The following ZSWIM6 variants were observed in gnomAD, a reference collection of about 807,000 sequenced individuals.
ZSWIM6 encodes zinc finger SWIM-type containing 6.
In ZSWIM6, 9 loss-of-function variants were observed where a neutral mutation model predicts 113.2. That is an observed-to-expected ratio of 0.08 (90% confidence interval 0.05 to 0.14). The LOEUF is 0.14. Ranked by LOEUF, ZSWIM6 falls within the 10% of genes least tolerant of loss-of-function variation. The probability of loss-of-function intolerance (pLI) is 1.00; values close to 1 mark genes in which losing one functional copy is unlikely to be tolerated. For missense variants in ZSWIM6, 1,162 were observed against 1,552.2 expected (o/e 0.75, Z 4.22); for synonymous variants, 611 against 606.5 (o/e 1.01, Z -0.11).
intron 1 of ZSWIM6, among the ~76,000 whole-genome samples, chr5:61,429,033 G>A (rs1244155165): frequency 6.6e-6 from 1 of 152,136 alleles, no homozygotes; most frequent in Non-Finnish European, 1.5e-5. Context: ...TACATTTCTT[G>A]GGAAATCTTC....
chr5:61,534,349 CAACTG>C (rs1303605906), intron 9 of ZSWIM6, among the ~76,000 whole-genome samples: 1 of 152,062 alleles, frequency 6.6e-6, no homozygotes, highest in Non-Finnish European at 1.5e-5. Context: ...TCAAAAAACT[CAACTG>C]AATTAAAATA....
chr5:61,526,281 C>T lies in ZSWIM6; in HGVS notation c.1722C>T (p.Asp574=), dbSNP rs187525163. ...EHVPTACARV[D]ALRSHGYPRE... ...TTCCTACAGCCTGTGCAAGAGTGGA[C>T]GCATTACGTTCTCATGGGTACCCCA... Residue 574 remains aspartate, a synonymous_variant, in exon 7 of 14, where the codon GAC becomes GAT. Coordinates refer to ENST00000252744, the MANE Select transcript of ZSWIM6 (RefSeq NM_020928.2). The T allele has an allele frequency of 1.6e-3, 2,409 of 1,551,780 alleles. 71 individuals are homozygous for T. The Admixed American group carries it at 0.042, about 27-fold the overall frequency.
chr5:61,534,822 A>C (rs1749533098), intron 9 of ZSWIM6, among the ~76,000 whole-genome samples: 1 of 152,226 alleles, frequency 6.6e-6, no homozygotes, highest in African/African-American at 2.4e-5. Context: ...ATTGGCTTTC[A>C]GGAGCCCAAA....
intron 1 of ZSWIM6, among the ~76,000 whole-genome samples, chr5:61,384,436 C>T (rs1745552543): frequency 6.6e-6 from 1 of 151,998 alleles, no homozygotes; most frequent in Non-Finnish European, 1.5e-5. Context: ...TATACATAGC[C>T]CTTTGAGTCT....
intron 1 of ZSWIM6, among the ~76,000 whole-genome samples, chr5:61,388,219 G>T (rs1485016598): frequency 1.3e-5 from 2 of 151,994 alleles, no homozygotes; most frequent in African/African-American, 2.4e-5. Flanking sequence ...CTGGCCTCAT[G>T]TGATCCACCC....
intron 1 of ZSWIM6, among the ~76,000 whole-genome samples, chr5:61,343,793 G>A (rs530833066): frequency 1.3e-5 from 2 of 151,970 alleles, no homozygotes; most frequent in Admixed American, 6.6e-5. Context: ...TTTTATGTGA[G>A]CAAACTTTTA....
At position 61,539,597 on chromosome 5, in the gene ZSWIM6, C is replaced by A; in HGVS notation, c.2541C>A (p.Gly847=). The A allele has an allele frequency of 6.5e-7, 1 of 1,548,966 alleles. No individual in the cohort carries two copies. Among genetic ancestry groups the A allele is most frequent in the Non-Finnish European group, 8.7e-7 (1 of 1,145,584 alleles). Residue 847 remains glycine (G), a splice_region_variant and synonymous_variant, in exon 12 of 14, where the codon GGC becomes GGA. Transcript: ENST00000252744. The part of the protein sequence containing the change: ...LASTMLTAAK[G]DVRRLETVLE... ...TTGGTTTTCCCTTGTTCATTGCAGG[C>A]GATGTTCGGAGGCTGGAAACAGTAT...
At chr5:61,460,764 T>TA (rs1191239374) in intron 1 of ZSWIM6, among the ~76,000 whole-genome samples, 1 of 152,086 alleles carries the variant, frequency 6.6e-6, no homozygotes, top group East Asian at 1.9e-4. Flanking sequence ...ATAATGTTCA[T>TA]AATATATAAT....
At chr5:61,533,929 C>T (rs1167480526) in intron 9 of ZSWIM6, among the ~76,000 whole-genome samples, 1 of 152,176 alleles carries the variant, frequency 6.6e-6, no homozygotes, top group East Asian at 1.9e-4. Flanking sequence ...AGACAGCTAC[C>T]TTTTCTCTGT....
intron 1 of ZSWIM6, among the ~76,000 whole-genome samples, chr5:61,345,671 G>A (rs916824446): frequency 6.6e-6 from 1 of 152,110 alleles, no homozygotes; most frequent in African/African-American, 2.4e-5. Flanking sequence ...AGTGAGTAGT[G>A]GTGTAATGTT....
chr5:61,333,011 G>A, intron 1 of ZSWIM6, 63 bp downstream of exon 1: 2 of 1,003,848 alleles, frequency 2.0e-6, no homozygotes, highest in Non-Finnish European at 2.5e-6. Context: ...GGGGGGGGGT[G>A]CCCGCCTTTC....
intron 4 of ZSWIM6, among the ~76,000 whole-genome samples, chr5:61,506,460 G>A (rs1247302917): frequency 1.3e-5 from 2 of 151,922 alleles, no homozygotes; most frequent in Non-Finnish European, 2.9e-5. Context: ...GCGCACACTT[G>A]TAATCCCGGC....
At chr5:61,391,878 A>T in intron 1 of ZSWIM6, 2 of 645,158 alleles carry the variant, frequency 3.1e-6, no homozygotes, top group South Asian at 3.7e-5. Context: ...ACATCATGCC[A>T]TCAAATCCTG....
Position 61,452,879 on chromosome 5 carries a change from T to A in ZSWIM6, c.677-19802T>A, listed in dbSNP as rs575422703. On this transcript the variant is annotated intron_variant, in intron 1 of 13. Coordinates refer to ENST00000252744, the MANE Select transcript of ZSWIM6 (RefSeq NM_020928.2). ...TTAGTTTTCTCCAGTCTACAACAAC[T>A]TATCTGTCTTTCCTTGTCTTTTATG... Among the ~76,000 whole-genome samples, 39 of 152,356 alleles carry A rather than the reference T, an allele frequency of 2.6e-4. 1 individual carries two copies. In the South Asian group the frequency reaches 3.3e-3, roughly 13 times the overall value.
At chr5:61,453,422 T>C (rs1357664483) in intron 1 of ZSWIM6, among the ~76,000 whole-genome samples, 1 of 151,366 alleles carries the variant, frequency 6.6e-6, no homozygotes, top group East Asian at 1.9e-4. Context: ...GTCACCTAGT[T>C]TGGGTTACAG....
chr5:61,392,864 G>A (rs149938311), intron 1 of ZSWIM6, among the ~76,000 whole-genome samples: 2 of 151,960 alleles, frequency 1.3e-5, no homozygotes, highest in African/African-American at 4.8e-5. Flanking sequence ...TGCCCACCTC[G>A]GCCTCCTAAA....
intron 1 of ZSWIM6, among the ~76,000 whole-genome samples, chr5:61,392,901 C>T (rs1466670193): frequency 5.3e-5 from 8 of 151,956 alleles, no homozygotes; most frequent in African/African-American, 1.5e-4. Context: ...TGTGAGCCAC[C>T]GCGCCTGGCC....
In ZSWIM6 at chr5:61,332,932, C is replaced by T. The variant is rs2112014097; in HGVS notation, c.660C>T (p.Asp220=). ...CGCTGTTGGAAAGCGGCTGCGTAGA[C>T]AACGTCCTGCAAGTCGGTGAGTCAC... ...GIALLESGCV[D]NVLQVGFHLS... The change falls in exon 1 of 14, where the codon GAC becomes GAT. Residue 220 remains aspartate, a synonymous_variant. Coordinates refer to ENST00000252744, the MANE Select transcript of ZSWIM6 (RefSeq NM_020928.2). 7.4e-7 allele frequency: 1 copy of T among 1,355,878 alleles called. No individual in the cohort carries two copies. The highest frequency in any genetic ancestry group is 9.6e-7 in the Non-Finnish European group (1 of 1,042,240). The allele number at this position is 1,355,878 out of a possible 1,614,324, so 84.0% of individuals were successfully genotyped here.
chr5:61,350,912 A>G (rs1744770394), intron 1 of ZSWIM6, among the ~76,000 whole-genome samples: 1 of 152,236 alleles, frequency 6.6e-6, no homozygotes, highest in South Asian at 2.1e-4. Flanking sequence ...CAAAAGGGAA[A>G]TAGATTGTTA....
Sources: allele counts gnomAD v4.1 joint callset (sites outside exome capture counted in the v4.1 genomes callset), GRCh38; gene constraint gnomAD v4.1.1; transcripts MANE v1.5; gene names NCBI Gene and HGNC (gene_info 2026-07-23, HGNC 2026-07-21).